PIP5K1B: variants seen among roughly 807,000 people sequenced by gnomAD.
PIP5K1B encodes the protein phosphatidylinositol 4-phosphate 5-kinase type-1 beta.
In PIP5K1B, 42 loss-of-function variants were observed where a neutral mutation model predicts 67.0. The observed-to-expected ratio is 0.63, with a 90% CI of 0.49 to 0.81. The LOEUF (loss-of-function observed/expected upper bound fraction) is 0.81, where lower values mean the gene tolerates loss of function less well. Among genes scored for constraint, PIP5K1B ranks in the 30% least tolerant of loss-of-function variants. The probability of loss-of-function intolerance (pLI) is 0.00; values close to 1 mark genes in which losing one functional copy is unlikely to be tolerated. For missense variants in PIP5K1B, 459 were observed against 646.3 expected (o/e 0.71, Z 3.14); for synonymous variants, 214 against 231.4 (o/e 0.92, Z 0.68).
chr9:68,839,672 T>C (rs1038712485), intron 4 of PIP5K1B, among the ~76,000 whole-genome samples: 1 of 152,196 alleles, frequency 6.6e-6, no homozygotes, highest in South Asian at 2.1e-4. Context: ...GAAAATTAAC[T>C]TGAATGTGTA....
intron 15 of PIP5K1B, among the ~76,000 whole-genome samples, chr9:69,006,284 C>T (rs1443056326): frequency 6.6e-6 from 1 of 152,156 alleles, no homozygotes; most frequent in African/African-American, 2.4e-5. Context: ...CACTGAGTCT[C>T]AGCAGATGGC....
chr9:68,749,513 C>T (rs1171349738), intron 2 of PIP5K1B, among the ~76,000 whole-genome samples: 2 of 152,142 alleles, frequency 1.3e-5, no homozygotes, highest in African/African-American at 4.8e-5. Context: ...TTTAAGCCAC[C>T]AAATTTAGTG....
chr9:68,943,782 A>G (rs893184932), intron 14 of PIP5K1B, among the ~76,000 whole-genome samples: 3 of 152,224 alleles, frequency 2.0e-5, no homozygotes, highest in African/African-American at 7.2e-5. Context: ...CGATTTTGAC[A>G]TTATGTTATA....
intron 15 of PIP5K1B, among the ~76,000 whole-genome samples, chr9:69,000,726 A>T (rs1219997215): frequency 6.6e-6 from 1 of 152,114 alleles, no homozygotes; most frequent in African/African-American, 2.4e-5. Context: ...CTCTATAAAG[A>T]CCCTGCCTCC....
chr9:68,967,742 C>T (rs10119540), intron 14 of PIP5K1B, among the ~76,000 whole-genome samples: 24,686 of 152,012 alleles, frequency 0.16, 2,185 homozygotes, highest in East Asian at 0.41. Context: ...ACATTCTCTT[C>T]CTCTGGGAAG....
chr9:68,848,297 A>C (rs1822299126), intron 4 of PIP5K1B, among the ~76,000 whole-genome samples: 1 of 152,188 alleles, frequency 6.6e-6, no homozygotes, highest in Admixed American at 6.5e-5. Context: ...AAGATACCTG[A>C]TCATTTCTTA....
intron 1 of PIP5K1B, among the ~76,000 whole-genome samples, chr9:68,730,530 A>T (rs921887122): frequency 2.0e-5 from 3 of 152,244 alleles, no homozygotes; most frequent in East Asian, 1.9e-4. Flanking sequence ...TAGATCTGTT[A>T]TCGCGGCCCA....
intron 1 of PIP5K1B, among the ~76,000 whole-genome samples, chr9:68,731,657 C>T (rs1828438140): frequency 6.6e-6 from 1 of 152,016 alleles, no homozygotes; most frequent in South Asian, 2.1e-4. Context: ...GAAGATAATG[C>T]AATTAAAAGA....
intron 6 of PIP5K1B, among the ~76,000 whole-genome samples, chr9:68,887,932 A>G (rs1824563539): frequency 6.6e-6 from 1 of 151,662 alleles, no homozygotes; most frequent in Admixed American, 6.6e-5. Context: ...GCACTGCTCA[A>G]GCTCTCCTAC....
At chr9:69,004,139 T>G (rs1038844323) in intron 15 of PIP5K1B, among the ~76,000 whole-genome samples, 2 of 152,252 alleles carry the variant, frequency 1.3e-5, no homozygotes, top group African/African-American at 4.8e-5. Context: ...ACCTTTCTCT[T>G]TCTTATACCC....
intron 2 of PIP5K1B, chr9:68,789,600 A>C (rs1178846445): frequency 1.7e-5 from 7 of 422,090 alleles, no homozygotes; most frequent in Non-Finnish European, 2.4e-5. Context: ...AGAACAGTGT[A>C]CCACACTTCT....
chr9:68,992,839 C>CAAAAAAA lies in PIP5K1B; in HGVS notation c.1620+1608_1620+1614dup, dbSNP rs201517701. Reference sequence around the variant, plus strand: ...TAGGCAACAGAGCATGACCCTGTCTCAAAAAAAAAAAAAAAAAAAAAAAAA... The same window carrying CAAAAAAA: ...TAGGCAACAGAGCATGACCCTGTCTCAAAAAAAAAAAAAAAAAAAAAAAAAAAAAAAA... On this transcript the variant is annotated intron_variant, in intron 15 of 15. Transcript: ENST00000265382. 2.0e-3 allele frequency among the ~76,000 whole-genome samples: 116 copies of CAAAAAAA among 57,564 alleles called. 2 individuals carry two copies. Among genetic ancestry groups the CAAAAAAA allele is most frequent in the Non-Finnish European group, 2.8e-3 (95 of 34,448 alleles). 37.8% of individuals were successfully genotyped at this position (57,564 alleles called of 152,430 possible).
At chr9:68,796,999 G>T (rs1192623082) in intron 2 of PIP5K1B, among the ~76,000 whole-genome samples, 1 of 152,192 alleles carries the variant, frequency 6.6e-6, no homozygotes, top group South Asian at 2.1e-4. Flanking sequence ...TCAGTTTTAG[G>T]GTTATAAAAT....
chr9:68,817,871 T>TTA (rs1481127863), intron 2 of PIP5K1B, among the ~76,000 whole-genome samples: 2 of 152,100 alleles, frequency 1.3e-5, no homozygotes, highest in Non-Finnish European at 2.9e-5. Flanking sequence ...CCTTTTTACT[T>TTA]TATACCTCTC....
chr9:68,723,699 T>G (rs1389373267), intron 1 of PIP5K1B, among the ~76,000 whole-genome samples: 5 of 143,100 alleles, frequency 3.5e-5, no homozygotes, highest in African/African-American at 8.0e-5. Context: ...TATTTGGTTT[T>G]TTTTTTTTTT....
rs59987851 is a variant in PIP5K1B, at chr9:68,756,634, A to G, written c.-86+13977A>G. The stretch of plus-strand genomic sequence containing the variant: ...ATGTGTACATGTTATTCTTCTCTCT[A>G]TATGTTTTCTCTATCATTTCTTCTT... On this transcript the variant is annotated intron_variant, in intron 2 of 15. Coordinates refer to ENST00000265382, the MANE Select transcript of PIP5K1B (RefSeq NM_003558.4). 1.9e-3 allele frequency among the ~76,000 whole-genome samples: 293 copies of G among 152,230 alleles called. 5 individuals carry two copies. In the East Asian group the frequency reaches 0.046, roughly 24 times the overall value.
intron 14 of PIP5K1B, among the ~76,000 whole-genome samples, chr9:68,951,757 C>T (rs1271849629): frequency 6.6e-6 from 1 of 152,074 alleles, no homozygotes; most frequent in African/African-American, 2.4e-5. Context: ...ACTCTATGCC[C>T]AGAGTTTAAC....
chr9:68,947,522 G>C (rs1281565769), intron 14 of PIP5K1B, among the ~76,000 whole-genome samples: 2 of 152,168 alleles, frequency 1.3e-5, no homozygotes, highest in Admixed American at 1.3e-4. Flanking sequence ...TTGCAAAGTA[G>C]AGTTGAGATA....
chr9:68,960,937 G>A (rs1336000871), intron 14 of PIP5K1B, among the ~76,000 whole-genome samples: 2 of 151,962 alleles, frequency 1.3e-5, no homozygotes, highest in Admixed American at 1.3e-4. Context: ...CCGGCCGGGC[G>A]CGGTGGCTCA....
Sources: gnomAD v4.1 joint callset for allele counts (sites outside exome capture counted in the v4.1 genomes callset) on GRCh38, gnomAD v4.1.1 for gene constraint, MANE v1.5 for transcripts, NCBI Gene and HGNC (gene_info 2026-07-23, HGNC 2026-07-21) for gene names.